Variants in CTNNA3 observed in about 807,000 individuals in gnomAD.
The protein encoded by CTNNA3 is catenin alpha-3.
CTNNA3 carries 76 observed loss-of-function variants against 95.7 expected under a neutral mutation model. The observed-to-expected ratio is 0.79, with a 90% CI of 0.66 to 0.96. The LOEUF (loss-of-function observed/expected upper bound fraction) is 0.96, where lower values mean the gene tolerates loss of function less well. CTNNA3 is among the 40% of genes least tolerant of loss of function. CTNNA3 has a pLI of 0.00. For synonymous variants in CTNNA3, 431 were observed against 374.4 expected, an observed-to-expected ratio of 1.15 and a Z score of -1.74; for missense variants, 1,191 against 1,089.8, an observed-to-expected ratio of 1.09 and a Z score of -1.31.
At chr10:66,727,954 A>T (rs2394302) in intron 9 of CTNNA3, among the ~76,000 whole-genome samples, 59,004 of 152,038 alleles carry the variant, frequency 0.39, 11,889 homozygotes, top group Non-Finnish European at 0.43. Flanking sequence ...CATTTTTAAT[A>T]TAAAACTTTA....
intron 7 of CTNNA3, among the ~76,000 whole-genome samples, chr10:66,913,688 A>G (rs1282023035): frequency 6.6e-6 from 1 of 152,212 alleles, no homozygotes; most frequent in African/African-American, 2.4e-5. Flanking sequence ...CATAAAAGTC[A>G]TGAGAAGCAC....
chr10:67,380,135 T>C (rs1338076820), intron 5 of CTNNA3, among the ~76,000 whole-genome samples: 1 of 152,188 alleles, frequency 6.6e-6, no homozygotes, highest in Non-Finnish European at 1.5e-5. Flanking sequence ...CAATGTTCTT[T>C]TGTATTTTGC....
intron 7 of CTNNA3, among the ~76,000 whole-genome samples, chr10:67,089,377 TA>T: frequency 6.6e-6 from 1 of 152,228 alleles, no homozygotes; most frequent in Middle Eastern, 3.4e-3. Flanking sequence ...AGTGCTTTCT[TA>T]AAAAATAATT....
At chr10:66,199,797 ATATATATATTTTTTTTTT>A (rs1250420020) in intron 13 of CTNNA3, among the ~76,000 whole-genome samples, 2 of 16,402 alleles carry the variant, frequency 1.2e-4, no homozygotes, top group East Asian at 6.3e-3. Flanking sequence ...ATATATATAT[ATATATATATTTTTTTTTT>A]TTTTTTTTTT....
chr10:66,842,350 C>A (rs60616580), intron 7 of CTNNA3, among the ~76,000 whole-genome samples: 2 of 151,788 alleles, frequency 1.3e-5, no homozygotes, highest in Admixed American at 1.3e-4. Flanking sequence ...GGAAAAACAA[C>A]GAAAGGCAGG....
chr10:66,786,381 C>G (rs944389601), intron 7 of CTNNA3, among the ~76,000 whole-genome samples: 1 of 152,174 alleles, frequency 6.6e-6, no homozygotes, highest in African/African-American at 2.4e-5. Context: ...CCTTCCTCCT[C>G]TTGCTTCTAC....
chr10:67,397,626 T>C (rs1256203290), intron 5 of CTNNA3, among the ~76,000 whole-genome samples: 1 of 152,154 alleles, frequency 6.6e-6, no homozygotes, highest in Non-Finnish European at 1.5e-5. Flanking sequence ...CAAGGCCAAA[T>C]GTAATCACCA....
At chr10:67,464,358 C>A (rs1283675148) in intron 5 of CTNNA3, among the ~76,000 whole-genome samples, 2 of 152,124 alleles carry the variant, frequency 1.3e-5, no homozygotes, top group African/African-American at 4.8e-5. Context: ...TAAAAAGTAC[C>A]TTGATCCCTT....
At chr10:66,384,930 A>G (rs2132508577) in intron 11 of CTNNA3, among the ~76,000 whole-genome samples, 1 of 152,354 alleles carries the variant, frequency 6.6e-6, no homozygotes, top group East Asian at 1.9e-4. Flanking sequence ...TCTCTGGGAC[A>G]CATTTAAAGC....
intron 7 of CTNNA3, among the ~76,000 whole-genome samples, chr10:66,947,987 C>T (rs1848358797): frequency 6.6e-6 from 1 of 152,196 alleles, no homozygotes; most frequent in Non-Finnish European, 1.5e-5. Flanking sequence ...TAGGAACTTA[C>T]TTGTATAGCA....
intron 6 of CTNNA3, among the ~76,000 whole-genome samples, chr10:67,182,600 G>T (rs1330891060): frequency 6.6e-6 from 1 of 151,980 alleles, no homozygotes; most frequent in African/African-American, 2.4e-5. Context: ...AGAAAACCTA[G>T]GCAATACCAT....
intron 13 of CTNNA3, among the ~76,000 whole-genome samples, chr10:66,106,336 TTTG>T (rs1458007468): frequency 8.7e-6 from 1 of 115,204 alleles, no homozygotes; most frequent in African/African-American, 3.4e-5. Context: ...TGTGTGTGTG[TTTG>T]TGTGTGTGTG....
rs866042317 is a variant in CTNNA3, at chr10:66,877,287, T to C, written c.1048-101763A>G. ...CCAAAACGTAATGCCAACCTCAGAG[T>C]TTCTAAATAGATGGATCAGGGTATG... On this transcript the variant is annotated intron_variant, in intron 7 of 17. Coordinates refer to ENST00000433211, the MANE Select transcript of CTNNA3 (RefSeq NM_013266.4). Among the ~76,000 whole-genome samples the C allele has an allele frequency of 8.9e-4, 135 of 152,238 alleles. 2 individuals are homozygous for C. In the Middle Eastern group the frequency reaches 0.02, roughly 23 times the overall value.
intron 7 of CTNNA3, among the ~76,000 whole-genome samples, chr10:66,843,515 G>A (rs994202115): frequency 1.3e-5 from 2 of 152,190 alleles, no homozygotes; most frequent in Non-Finnish European, 2.9e-5. Context: ...GGATTTCTTT[G>A]ATGGGAAAGA....
At chr10:67,111,986 A>G (rs1462993648) in intron 7 of CTNNA3, among the ~76,000 whole-genome samples, 2 of 152,162 alleles carry the variant, frequency 1.3e-5, no homozygotes, top group African/African-American at 4.8e-5. Context: ...AGTGTATTTC[A>G]ATCACTTCAG....
chr10:66,617,926 C>T (rs1206384669), intron 10 of CTNNA3, among the ~76,000 whole-genome samples: 1 of 151,422 alleles, frequency 6.6e-6, no homozygotes, highest in Non-Finnish European at 1.5e-5. Flanking sequence ...AACAGACAAA[C>T]AGAGAGCCAA....
intron 7 of CTNNA3, among the ~76,000 whole-genome samples, chr10:66,815,611 A>T (rs546971141): frequency 6.6e-6 from 1 of 152,310 alleles, no homozygotes; most frequent in South Asian, 2.1e-4. Context: ...GTCTTCCCCT[A>T]GGTATACCAT....
At chr10:67,726,610 T>C (rs1841227969) in intron 1 of CTNNA3, among the ~76,000 whole-genome samples, 1 of 18,788 alleles carries the variant, frequency 5.3e-5, no homozygotes, top group Non-Finnish European at 9.2e-5. Flanking sequence ...ACATATTATA[T>C]AATATATAAT....
At chr10:66,098,339 C>T (rs1043989577) in intron 14 of CTNNA3, among the ~76,000 whole-genome samples, 2 of 152,090 alleles carry the variant, frequency 1.3e-5, no homozygotes, top group Admixed American at 6.6e-5. Context: ...AAAAGACCTG[C>T]GATTTGGTCC....
Sources: allele counts gnomAD v4.1 joint callset (sites outside exome capture counted in the v4.1 genomes callset), GRCh38; gene constraint gnomAD v4.1.1; transcripts MANE v1.5; gene names NCBI Gene and HGNC (gene_info 2026-07-23, HGNC 2026-07-21).